IGDCC4: variants seen among roughly 807,000 people sequenced by gnomAD.
The protein encoded by IGDCC4 is immunoglobulin superfamily DCC subclass member 4.
In IGDCC4, 72 loss-of-function variants were observed where a neutral mutation model predicts 116.6. The observed-to-expected ratio is 0.62, with a 90% CI of 0.51 to 0.75. The LOEUF is 0.75. IGDCC4 is among the 30% of genes least tolerant of loss of function. IGDCC4 has a pLI of 0.00. For missense variants in IGDCC4, 1,501 were observed against 1,662.4 expected (o/e 0.90, Z 1.69); for synonymous variants, 709 against 719.9 (o/e 0.98, Z 0.24).
chr15:65,395,670 T>C, intron 7 of IGDCC4, 80 bp downstream of exon 7: 1 of 1,362,334 alleles, frequency 7.3e-7, no homozygotes, highest in Non-Finnish European at 9.5e-7. Context: ...CAGGCAACCC[T>C]TCAGTCATCC....
At chr15:65,405,534 T>C (rs2063033132) in intron 3 of IGDCC4, among the ~76,000 whole-genome samples, 1 of 150,982 alleles carries the variant, frequency 6.6e-6, no homozygotes, top group African/African-American at 2.5e-5. Context: ...GTTAAATAAT[T>C]CCTGTCCTGC....
chr15:65,402,118 G>C (rs1292940075), intron 4 of IGDCC4, among the ~76,000 whole-genome samples: 2 of 152,256 alleles, frequency 1.3e-5, no homozygotes, highest in African/African-American at 4.8e-5. Flanking sequence ...GGCTCTGCAT[G>C]AAGAGAGGAG....
chr15:65,408,774 G>A (rs1222653058), intron 3 of IGDCC4, among the ~76,000 whole-genome samples: 1 of 151,556 alleles, frequency 6.6e-6, no homozygotes, highest in Non-Finnish European at 1.5e-5. Context: ...TAGACTGGGT[G>A]AGAAGTGACT....
At chr15:65,417,665 G>A (rs1421797785) in intron 1 of IGDCC4, among the ~76,000 whole-genome samples, 10 of 152,106 alleles carry the variant, frequency 6.6e-5, no homozygotes, top group Non-Finnish European at 1.3e-4. Flanking sequence ...GCATGATCTC[G>A]GCTCACTGCA....
intron 3 of IGDCC4, among the ~76,000 whole-genome samples, chr15:65,408,548 A>C (rs1595790887): frequency 6.6e-6 from 1 of 152,242 alleles, no homozygotes; most frequent in East Asian, 1.9e-4. Flanking sequence ...TCGTTAAACA[A>C]GGTCAACAGG....
intron 16 of IGDCC4, among the ~76,000 whole-genome samples, chr15:65,387,512 C>A (rs892901910): frequency 2.6e-5 from 4 of 152,042 alleles, no homozygotes; most frequent in African/African-American, 9.7e-5. Context: ...CCACGCCCAG[C>A]TAATTTTTTT....
chr15:65,395,680 CGACCT>C lies in IGDCC4; in HGVS notation c.1411+65_1411+69del, dbSNP rs1217606931. ...CCCATCAGGCAACCCTTCAGTCATC[CGACCT>C]GAACCCCTTCTGGCTGCGCCCCGCC... On this transcript the variant is annotated intron_variant, in intron 7 of 19. Coordinates refer to ENST00000352385, the MANE Select transcript of IGDCC4 (RefSeq NM_020962.3). 25 of 1,374,226 alleles carry C rather than the reference CGACCT, an allele frequency of 1.8e-5. 2 individuals carry two copies. The African/African-American group carries it at 2.7e-4, about 15-fold the overall frequency. The allele number at this position is 1,374,226 out of a possible 1,614,324, so 85.1% of individuals were successfully genotyped here.
At chr15:65,395,689 C>T in intron 7 of IGDCC4, 61 bp downstream of exon 7, 2 of 1,390,830 alleles carry the variant, frequency 1.4e-6, no homozygotes, top group South Asian at 3.3e-5. Context: ...CCGACCTGAA[C>T]CCCTTCTGGC....
chr15:65,400,770 T>C, intron 5 of IGDCC4, 36 bp downstream of exon 5: 1 of 1,561,336 alleles, frequency 6.4e-7, no homozygotes, highest in Non-Finnish European at 8.7e-7. Context: ...CATCCCTCCC[T>C]TCCCATGCCC....
Position 65,396,078 on chromosome 15 carries a change from C to G in IGDCC4, c.1083G>C (p.Glu361Asp), listed in dbSNP as rs756185163. 4.3e-6 allele frequency: 6 copies of G among 1,384,712 alleles called. No individual in the cohort carries two copies. The South Asian group carries it at 8.2e-5, about 19-fold the overall frequency. 85.8% of individuals were successfully genotyped at this position (1,384,712 alleles called of 1,614,324 possible). Residue 361 changes from glutamate to aspartate, a missense_variant, in exon 7 of 20, where the codon GAG (glutamate) becomes GAC (aspartate). This residue lies in a region of IGDCC4 where 898 missense variants were observed against 978.9 expected (regional missense o/e 0.92). Coordinates refer to ENST00000352385, the MANE Select transcript of IGDCC4 (RefSeq NM_020962.3). ...GCAGCCAGCGCAGCGCTGGCCGCGG[C>G]TCCCCCGACGCGCGGCACACGAAGC... ...TARFVCRASG[E>D]PRPALRWLHN...
intron 18 of IGDCC4, chr15:65,385,447 C>A: frequency 5.8e-6 from 3 of 519,284 alleles, no homozygotes; most frequent in Non-Finnish European, 1.0e-5. Flanking sequence ...ACCAGCCCAG[C>A]GAAGGCCTCA....
rs754471810 is a variant in IGDCC4, at chr15:65,388,984, G to T, written c.2537-6C>A. The stretch of plus-strand genomic sequence containing the variant: ...GGATGGGGGTGTGGAGGGCCCTGGG[G>T]TGCGGGAGAGGAGATGGGGAGAGAT... On this transcript the variant is annotated splice_polypyrimidine_tract_variant and splice_region_variant and intron_variant, in intron 14 of 19. Transcript: ENST00000352385. 7.6e-6 allele frequency: 12 copies of T among 1,571,622 alleles called. No individual in the cohort carries two copies. The highest frequency in any genetic ancestry group is 1.8e-5 in the Admixed American group (1 of 56,576).
Position 65,402,371 on chromosome 15 carries a change from A to G in IGDCC4, c.680T>C (p.Leu227Pro), listed in dbSNP as rs199655298. 19 of 1,570,678 alleles carry G rather than the reference A, an allele frequency of 1.2e-5. No homozygotes were observed. The East Asian group carries it at 4.5e-4, about 37-fold the overall frequency. The change falls in exon 4 of 20, where the codon CTA (leucine) becomes CCA (proline). Residue 227 changes from leucine (L) to proline (P), a missense_variant. Physicochemically the swap from Leu to Pro is moderately conservative, Grantham distance 98. This residue lies in a region of IGDCC4 where 898 missense variants were observed against 978.9 expected (regional missense o/e 0.92). Coordinates refer to ENST00000352385, the MANE Select transcript of IGDCC4 (RefSeq NM_020962.3). ...CTTACCTCTGTGGGCCACACTGAGT[A>G]GGGCCTCCTGGCTGAAGTGCTGGCG... is the stretch of plus-strand genomic sequence containing the variant. Reference protein sequence around the residue: ...SARQHFSQEALLSVAHRGSLA... With the variant: ...SARQHFSQEAPLSVAHRGSLA...
In IGDCC4 at chr15:65,391,856, G is replaced by A. The variant is rs183776438; in HGVS notation, c.2224+24C>T. The A allele has an allele frequency of 3.3e-4, 529 of 1,603,090 alleles. 2 individuals carry two copies. In the African/African-American group the frequency reaches 5.8e-3, roughly 17 times the overall value. ...CAGAGCCCTCACCTGAGCCCTCCCC[G>A]CCTTCTTCCCCCACCGCCCTCACCT... On this transcript the variant is annotated intron_variant, in intron 12 of 19. Transcript: ENST00000352385.
intron 1 of IGDCC4, among the ~76,000 whole-genome samples, chr15:65,417,598 A>T (rs2063156190): frequency 6.6e-6 from 1 of 151,688 alleles, no homozygotes; most frequent in Admixed American, 6.6e-5. Flanking sequence ...ATCACTCCAG[A>T]TTTTTTTTGC....
intron 7 of IGDCC4, among the ~76,000 whole-genome samples, 176 bp downstream of exon 7, chr15:65,395,574 A>G (rs1329243429): frequency 6.6e-6 from 1 of 152,124 alleles, no homozygotes; most frequent in East Asian, 1.9e-4. Flanking sequence ...TTCCAGCGCC[A>G]GTTGCCTAAT....
rs1442466006 is a variant in IGDCC4 at position 65,400,794 on chromosome 15, C to T, written c.841+12G>A. The T allele has an allele frequency of 6.3e-7, 1 of 1,584,842 alleles. No individual in the cohort carries two copies. Among genetic ancestry groups the T allele is most frequent in the Non-Finnish European group, 8.6e-7 (1 of 1,163,396 alleles). ...CTTCCCATGCCCTCCTTCTCCCACC[C>T]CCTCCACTCACCTTGTCGGACCCAG... On this transcript the variant is annotated intron_variant, in intron 5 of 19. Coordinates refer to ENST00000352385, the MANE Select transcript of IGDCC4 (RefSeq NM_020962.3).
At position 65,382,406 on chromosome 15, in the gene IGDCC4, TA is replaced by T. The variant is rs754941677; in HGVS notation, c.*1602del. On this transcript the variant is annotated 3_prime_UTR_variant, in exon 20 of 20. Coordinates refer to ENST00000352385, the MANE Select transcript of IGDCC4 (RefSeq NM_020962.3). ...CTGTGCTGAGAGACATTCCACCATT[TA>T]AAAAAAAAAAAAAAAAAAAGGAAAA... The T allele has an allele frequency of 0.13, 15,656 of 124,866 alleles. 906 individuals are homozygous for T. Among genetic ancestry groups the T allele is most frequent in the Non-Finnish European group, 0.16 (9,277 of 59,376 alleles). The allele number at this position is 124,866 out of a possible 1,614,324, so 7.7% of individuals were successfully genotyped here. A position where few individuals can be genotyped will look rare whatever the true frequency, so the allele number is the denominator to read the frequency against.
At chr15:65,386,679 A>G (rs2091464044) in intron 16 of IGDCC4, 23 bp from the exon 17 acceptor site, 1 of 1,587,442 alleles carries the variant, frequency 6.3e-7, no homozygotes, top group Non-Finnish European at 8.6e-7. Flanking sequence ...AGAGAGGCAC[A>G]GAGCAGGTCA....
Sources: gnomAD v4.1 joint callset for allele counts (sites outside exome capture counted in the v4.1 genomes callset) on GRCh38, gnomAD v4.1.1 for gene constraint, gnomAD v4.1.1 regional missense constraint, MANE v1.5 for transcripts, NCBI Gene and HGNC (gene_info 2026-07-23, HGNC 2026-07-21) for gene names.